ANO3: variants seen among roughly 807,000 people sequenced by gnomAD.
The protein encoded by ANO3 is anoctamin-3.
ANO3 carries 99 observed loss-of-function variants against 144.8 expected under a neutral mutation model. The ratio of observed to expected loss-of-function variants is 0.68; its 90% CI spans 0.58 to 0.81. The LOEUF is 0.81. Ranked by LOEUF, ANO3 falls within the 30% of genes least tolerant of loss-of-function variation. The pLI is 0.00. For missense variants in ANO3, 905 were observed against 1,202.2 expected (o/e 0.75, Z 3.66); for synonymous variants, 414 against 392.6 (o/e 1.05, Z -0.64).
Position 26,509,105 on chromosome 11 carries a change from CTATA to C in ANO3, c.591+857_591+860del, listed in dbSNP as rs34831311. ...TATACACACATCTATCTCTCTCTCT[CTATA>C]TATATATATATATTATTCTGCTGTT... On this transcript the variant is annotated intron_variant, in intron 5 of 26. Coordinates refer to ENST00000256737, the MANE Select transcript of ANO3 (RefSeq NM_031418.4). Among the ~76,000 whole-genome samples the C allele has an allele frequency of 5.3e-3, 789 of 147,666 alleles. 5 individuals are homozygous for C. Among genetic ancestry groups the C allele is most frequent in the African/African-American group, 0.019 (758 of 40,106 alleles).
chr11:26,244,974 G>GGTGTGT lies in ANO3; in HGVS notation c.154+55686_154+55691dup, dbSNP rs61543573. On this transcript the variant is annotated intron_variant, in intron 1 of 27. Coordinates refer to the ANO3 transcript ENST00000672621. ...ATATAGAAGAGTCTTCTGGTCTCCTGGTGTGTGTGTGTGTGTGTGTGTGTG... is the reference window on the plus strand; with the variant it reads ...ATATAGAAGAGTCTTCTGGTCTCCTGGTGTGTGTGTGTGTGTGTGTGTGTGTGTGTG... Among the ~76,000 whole-genome samples the GGTGTGT allele has an allele frequency of 2.7e-3, 332 of 121,684 alleles. 3 individuals are homozygous for GGTGTGT. Among genetic ancestry groups the GGTGTGT allele is most frequent in the East Asian group, 0.016 (66 of 4,238 alleles). The allele number at this position is 121,684 out of a possible 152,430, so 79.8% of individuals were successfully genotyped here. A position where few individuals can be genotyped will look rare whatever the true frequency, so the allele number is the denominator to read the frequency against.
At chr11:26,473,150 C>T (rs1859842906) in intron 4 of ANO3, among the ~76,000 whole-genome samples, 4 of 151,938 alleles carry the variant, frequency 2.6e-5, no homozygotes, top group Admixed American at 2.6e-4. Flanking sequence ...CTTGAACCTG[C>T]TAGAAAATCA....
At chr11:26,587,818 T>C (rs1401067271) in intron 14 of ANO3, among the ~76,000 whole-genome samples, 2 of 151,428 alleles carry the variant, frequency 1.3e-5, no homozygotes, top group East Asian at 1.9e-4. Flanking sequence ...TCAGTGGACA[T>C]GGTGGTGTGC....
chr11:26,287,815 G>C (rs1554934167), intron 1 of ANO3: 1 of 152,184 alleles, frequency 6.6e-6, no homozygotes, highest in Non-Finnish European at 1.5e-5. Flanking sequence ...CTGAAAAAAT[G>C]TAAGTGCCAT....
intron 1 of ANO3, among the ~76,000 whole-genome samples, chr11:26,258,762 C>A (rs937119296): frequency 6.6e-6 from 1 of 152,108 alleles, no homozygotes; most frequent in Non-Finnish European, 1.5e-5. Context: ...TAGTCTATAA[C>A]CAATGGCTAG....
At chr11:26,221,048 T>C (rs1387805693) in intron 1 of ANO3, among the ~76,000 whole-genome samples, 1 of 152,210 alleles carries the variant, frequency 6.6e-6, no homozygotes, top group Non-Finnish European at 1.5e-5. Context: ...GGTCATGTGA[T>C]CTCAGTTTCC....
chr11:26,519,425 T>C (rs1861982070), intron 6 of ANO3, among the ~76,000 whole-genome samples: 2 of 152,220 alleles, frequency 1.3e-5, no homozygotes, highest in African/African-American at 4.8e-5. Context: ...TATACTTTCA[T>C]TTAATAGAAT....
chr11:26,235,817 TA>T (rs1473837802), intron 1 of ANO3, among the ~76,000 whole-genome samples: 1 of 152,106 alleles, frequency 6.6e-6, no homozygotes, highest in Non-Finnish European at 1.5e-5. Context: ...ATCATTTGTC[TA>T]CAAATGTGAA....
At chr11:26,288,527 C>G (rs11029481) in intron 1 of ANO3, among the ~76,000 whole-genome samples, 3,253 of 152,164 alleles carry the variant, frequency 0.021, 58 homozygotes, top group East Asian at 0.12. Flanking sequence ...CCCAGAAGAG[C>G]TTTCCATTTT....
At chr11:26,610,454 T>C (rs986500667) in intron 17 of ANO3, among the ~76,000 whole-genome samples, 4 of 152,076 alleles carry the variant, frequency 2.6e-5, no homozygotes, top group African/African-American at 9.7e-5. Context: ...ATAAACCCCT[T>C]GTCAGATATA....
At chr11:26,579,907 T>A (rs947432406) in intron 14 of ANO3, among the ~76,000 whole-genome samples, 1 of 152,158 alleles carries the variant, frequency 6.6e-6, no homozygotes, top group African/African-American at 2.4e-5. Context: ...GGTATGAGGA[T>A]GTAATGAGTA....
chr11:26,212,217 TA>T (rs1278258462), intron 1 of ANO3, among the ~76,000 whole-genome samples: 5 of 151,336 alleles, frequency 3.3e-5, no homozygotes, highest in East Asian at 1.9e-4. Flanking sequence ...AAGTATATAT[TA>T]AAAAAAGAAC....
chr11:26,658,275 A>G (rs1853759399), intron 26 of ANO3, among the ~76,000 whole-genome samples: 1 of 152,200 alleles, frequency 6.6e-6, no homozygotes, highest in Non-Finnish European at 1.5e-5. Context: ...CTTTTTAATT[A>G]TAAAATACTT....
At chr11:26,372,151 T>A (rs1414587958) in intron 1 of ANO3, among the ~76,000 whole-genome samples, 1 of 151,862 alleles carries the variant, frequency 6.6e-6, no homozygotes, top group Non-Finnish European at 1.5e-5. Context: ...TGAGGGTGGT[T>A]TTCCCCATGC....
chr11:26,483,656 A>C (rs539396546), intron 4 of ANO3, among the ~76,000 whole-genome samples: 2 of 152,272 alleles, frequency 1.3e-5, no homozygotes, highest in Admixed American at 6.5e-5. Context: ...GTTCTTTATA[A>C]ATTACCCAGT....
chr11:26,467,789 T>C (rs1182235505), intron 4 of ANO3, among the ~76,000 whole-genome samples: 1 of 151,832 alleles, frequency 6.6e-6, no homozygotes, highest in African/African-American at 2.4e-5. Context: ...TTAAGACCAA[T>C]TTACTTTCTG....
At chr11:26,541,114 C>T (rs1232559456) in intron 10 of ANO3, among the ~76,000 whole-genome samples, 1 of 152,054 alleles carries the variant, frequency 6.6e-6, no homozygotes, top group Non-Finnish European at 1.5e-5. Context: ...TACTATGCAG[C>T]CATAAAAAAG....
chr11:26,443,710 T>C, intron 2 of ANO3, 55 bp from the exon 3 acceptor site: 1 of 1,071,864 alleles, frequency 9.3e-7, no homozygotes, highest in Non-Finnish European at 1.4e-6. Flanking sequence ...ATGGTTATTT[T>C]TCTGTTGTTA....
At chr11:26,197,298 G>A (rs1851607731) in intron 1 of ANO3, among the ~76,000 whole-genome samples, 1 of 152,140 alleles carries the variant, frequency 6.6e-6, no homozygotes, top group East Asian at 1.9e-4. Context: ...AGAAAACACT[G>A]TCTGTATTGA....
Sources: gnomAD v4.1 joint callset for allele counts (sites outside exome capture counted in the v4.1 genomes callset) on GRCh38, gnomAD v4.1.1 for gene constraint, MANE v1.5 for transcripts, NCBI Gene and HGNC (gene_info 2026-07-23, HGNC 2026-07-21) for gene names.